The following MCC variants were observed in gnomAD, a reference collection of about 807,000 sequenced individuals.
MCC encodes MCC regulator of Wnt signaling pathway, also known as colorectal mutant cancer protein.
In MCC, 90 loss-of-function variants were observed where a neutral mutation model predicts 116.2. The ratio of observed to expected loss-of-function variants is 0.77; its 90% CI spans 0.65 to 0.92. MCC has a LOEUF of 0.92. Among genes scored for constraint, MCC ranks in the 40% least tolerant of loss-of-function variants. The probability of loss-of-function intolerance (pLI) is 0.00; values close to 1 mark genes in which losing one functional copy is unlikely to be tolerated. For missense variants in MCC, 1,516 were observed against 1,312.2 expected (o/e 1.16, Z -2.40); for synonymous variants, 578 against 510.5 (o/e 1.13, Z -1.78).
rs763777146 is a variant in MCC, at chr5:113,385,006, C to A, written c.377G>T (p.Arg126Ile). 6.8e-6 allele frequency: 11 copies of A among 1,614,124 alleles called. No individual in the cohort carries two copies. The highest frequency in any genetic ancestry group is 2.2e-5 in the South Asian group (2 of 91,086). The change falls in exon 2 of 19, where the codon AGA becomes ATA. Residue 126 changes from arginine to isoleucine, a missense_variant. Physicochemically the swap from Arg to Ile is moderately conservative, Grantham distance 97. Transcript: ENST00000408903. ...DNSCTKKLRD[R>I]IASWPTSSDN... is the part of the protein sequence containing the mutation. ...ACTGCTCGTGGGCCAGGAAGCAATT[C>A]TATCCCTCAGCTTCTTTGTACAGGA...
At chr5:113,346,664 GATA>G (rs1171046366) in intron 2 of MCC, among the ~76,000 whole-genome samples, 2 of 151,570 alleles carry the variant, frequency 1.3e-5, no homozygotes, top group Non-Finnish European at 2.9e-5. Context: ...TATTGAAAGG[GATA>G]ATATCAGAGA....
At chr5:113,344,876 A>G (rs1440366883) in intron 2 of MCC, among the ~76,000 whole-genome samples, 2 of 152,080 alleles carry the variant, frequency 1.3e-5, no homozygotes, top group Non-Finnish European at 2.9e-5. Context: ...TGTGGTGTCT[A>G]CAGTGAAAGA....
chr5:113,054,087 A>T (rs1752661198), intron 14 of MCC, 128 bp from the exon 15 acceptor site: 2 of 664,688 alleles, frequency 3.0e-6, no homozygotes, highest in Non-Finnish European at 5.2e-6. Context: ...TCCAAAAATC[A>T]GTTTTCTTCA....
Position 113,214,193 on chromosome 5 carries a change from G to A in MCC, c.628-62771C>T, listed in dbSNP as rs373488852. Among the ~76,000 whole-genome samples the A allele has an allele frequency of 2.1e-4, 32 of 152,290 alleles. 3 individuals are homozygous for A. The highest frequency in any genetic ancestry group is 7.2e-4 in the Admixed American group (11 of 15,302). Reference sequence around the variant, plus strand: ...AGCCATGAAAAGCATCCTGGGCTACGGCCAATGCCCTCCTCTCATTCCCCT... The same window carrying A: ...AGCCATGAAAAGCATCCTGGGCTACAGCCAATGCCCTCCTCTCATTCCCCT... On this transcript the variant is annotated intron_variant, in intron 3 of 18. Coordinates refer to ENST00000408903, the MANE Select transcript of MCC (RefSeq NM_001085377.2).
chr5:113,085,248 G>A lies in MCC; in HGVS notation c.1461C>T (p.Arg487=), dbSNP rs1172533656. 19 of 1,614,060 alleles carry A rather than the reference G, an allele frequency of 1.2e-5. 1 individual carries two copies. In the Admixed American group the frequency reaches 3.0e-4, roughly 25 times the overall value. The change falls in exon 9 of 19, where the codon CGC becomes CGT. Residue 487 remains arginine, a synonymous_variant. Transcript: ENST00000408903. The part of the protein sequence containing the change: ...VQATGPSSPG[R]LTSTNRPINP... The stretch of plus-strand genomic sequence containing the variant: ...TAATCGGGCGGTTGGTGGAAGTGAG[G>A]CGGCCAGGGCTGGAGGGACCTGTGG...
rs550300505 is a variant in MCC, at chr5:113,264,351, A to G, written c.627+76168T>C. Among the ~76,000 whole-genome samples, 14 of 152,324 alleles carry G rather than the reference A, an allele frequency of 9.2e-5. No individual in the cohort carries two copies. The East Asian group carries it at 1.3e-3, about 15-fold the overall frequency. On this transcript the variant is annotated intron_variant, in intron 3 of 18. Transcript: ENST00000408903. ...GGCCTTAGTCACGGGTCAAACACCT[A>G]AAGTCTGGCCTGGTAATTATTAGCT... is the stretch of plus-strand genomic sequence containing the variant.
chr5:113,286,344 T>TA (rs1295111223), intron 3 of MCC, among the ~76,000 whole-genome samples: 1 of 152,224 alleles, frequency 6.6e-6, no homozygotes, highest in Non-Finnish European at 1.5e-5. Context: ...ATTCCTTTTC[T>TA]AACTGCAAGG....
intron 5 of MCC, among the ~76,000 whole-genome samples, chr5:113,123,171 C>T (rs907329552): frequency 3.3e-5 from 5 of 152,228 alleles, no homozygotes; most frequent in Non-Finnish European, 7.3e-5. Context: ...AGCACTGAGG[C>T]TGCTGTGAAC....
intron 3 of MCC, among the ~76,000 whole-genome samples, chr5:113,184,401 T>G (rs1385531706): frequency 6.6e-6 from 1 of 152,166 alleles, no homozygotes; most frequent in Admixed American, 6.5e-5. Flanking sequence ...TTAGACCAAC[T>G]TGTAAAACTT....
At chr5:113,150,999 G>T (rs1759828622) in intron 4 of MCC, among the ~76,000 whole-genome samples, 1 of 152,206 alleles carries the variant, frequency 6.6e-6, no homozygotes. Context: ...AGTCATGATC[G>T]TGCCACCGCA....
chr5:113,135,605 G>C (rs1046189430), intron 5 of MCC, among the ~76,000 whole-genome samples: 3 of 148,548 alleles, frequency 2.0e-5, no homozygotes, highest in South Asian at 4.3e-4. Context: ...TATAATTTTT[G>C]TAGCTATTGT....
chr5:113,064,202 T>C, intron 13 of MCC, 35 bp from the exon 14 acceptor site: 4 of 1,578,440 alleles, frequency 2.5e-6, no homozygotes, highest in South Asian at 1.2e-5. Flanking sequence ...TTAATCAACA[T>C]AGGCCTGGAC....
At chr5:113,132,941 A>G (rs1168576661) in intron 5 of MCC, among the ~76,000 whole-genome samples, 1 of 152,188 alleles carries the variant, frequency 6.6e-6, no homozygotes, top group Non-Finnish European at 1.5e-5. Context: ...TCTCTGATGG[A>G]GAACTCCCTA....
intron 3 of MCC, among the ~76,000 whole-genome samples, chr5:113,211,792 G>C (rs1763144546): frequency 6.6e-6 from 1 of 152,176 alleles, no homozygotes; most frequent in Non-Finnish European, 1.5e-5. Context: ...AATTGGCTTA[G>C]AGGTTAGTTT....
chr5:113,104,721 A>C (rs1218179707), intron 6 of MCC: 1 of 170,074 alleles, frequency 5.9e-6, no homozygotes, highest in African/African-American at 2.4e-5. Context: ...GAAAGATCCC[A>C]TAACTTTACT....
rs149486513 is a variant in MCC at position 113,326,359 on chromosome 5, C to T, written c.627+14160G>A. On this transcript the variant is annotated intron_variant, in intron 3 of 18. Coordinates refer to ENST00000408903, the MANE Select transcript of MCC (RefSeq NM_001085377.2). ...CTGAGACTGGATAATTTATAAAGAA[C>T]AGAATTTTACTCTCACAGTTCTGGA... Among the ~76,000 whole-genome samples, 128 of 152,272 alleles carry T rather than the reference C, an allele frequency of 8.4e-4. 1 individual carries two copies. The East Asian group carries it at 0.023, about 27-fold the overall frequency.
At chr5:113,027,562 A>C (rs1389401259) in intron 18 of MCC, 80 bp from the exon 19 acceptor site, 1 of 1,230,176 alleles carries the variant, frequency 8.1e-7, no homozygotes, top group Non-Finnish European at 1.2e-6. Context: ...CTGGATAACC[A>C]GATCTAGTGA....
intron 1 of MCC, among the ~76,000 whole-genome samples, chr5:113,450,698 T>C (rs965579356): frequency 1.3e-5 from 2 of 152,180 alleles, no homozygotes; most frequent in African/African-American, 4.8e-5. Context: ...TTAAAACATG[T>C]TCCACTCAAA....
chr5:113,454,358 G>C (rs1771482552), intron 1 of MCC, among the ~76,000 whole-genome samples: 1 of 152,094 alleles, frequency 6.6e-6, no homozygotes, highest in Non-Finnish European at 1.5e-5. Context: ...TCCCGCCTTG[G>C]CCTCCCAAAA....
Sources: gnomAD v4.1 joint callset for allele counts (sites outside exome capture counted in the v4.1 genomes callset) on GRCh38, gnomAD v4.1.1 for gene constraint, MANE v1.5 for transcripts, NCBI Gene and HGNC (gene_info 2026-07-23, HGNC 2026-07-21) for gene names.